Variants in TRIP12 observed in about 807,000 individuals in gnomAD.
TRIP12 encodes the protein thyroid hormone receptor interactor 12, also known as E3 ubiquitin-protein ligase TRIP12.
TRIP12 carries 25 observed loss-of-function variants against 244.2 expected under a neutral mutation model. The observed-to-expected ratio is 0.10, with a 90% CI of 0.07 to 0.14. TRIP12 has a LOEUF of 0.14. TRIP12 is among the 10% of genes least tolerant of loss of function. TRIP12 has a pLI of 1.00. For missense variants in TRIP12, 1,677 were observed against 2,486.4 expected (o/e 0.67, Z 6.92); for synonymous variants, 905 against 873.1 (o/e 1.04, Z -0.64).
intron 4 of TRIP12, among the ~76,000 whole-genome samples, chr2:229,841,820 T>G (rs1017871076): frequency 1.3e-5 from 2 of 152,230 alleles, no homozygotes; most frequent in Non-Finnish European, 2.9e-5. Context: ...TTAATTTTGC[T>G]GATTTCATTG....
Position 229,836,872 on chromosome 2 carries a change from C to T in TRIP12, c.1246G>A (p.Asp416Asn), listed in dbSNP as rs1203606558. The change falls in exon 6 of 42, where the codon GAT (aspartate) becomes AAT (asparagine). Residue 416 changes from aspartate to asparagine, a missense_variant. Physicochemically the swap from Asp to Asn is conservative, Grantham distance 23. Transcript: ENST00000675903. ...EAVNSSAART[D>N]EAPQGAAASS... ...CCTGCAGCTCCTTGGGGAGCTTCAT[C>T]TGTCCGAGCAGCTGAAGAATTTACT... 1 of 1,595,308 alleles carries T rather than the reference C, an allele frequency of 6.3e-7. No individual in the cohort carries two copies. Among genetic ancestry groups the T allele is most frequent in the Non-Finnish European group, 8.5e-7 (1 of 1,174,422 alleles).
intron 18 of TRIP12, among the ~76,000 whole-genome samples, chr2:229,804,510 T>G (rs1358754493): frequency 6.6e-6 from 1 of 152,198 alleles, no homozygotes; most frequent in Non-Finnish European, 1.5e-5. Flanking sequence ...ATTTTACTGA[T>G]ATACATTCAA....
chr2:229,839,288 C>T lies in TRIP12; in HGVS notation c.1133+1534G>A, dbSNP rs563156965. ...CCACACGGCCTAGATGTGTAGTAAG[C>T]TATACTATCTAGGTTTGTTTTAAGT... On this transcript the variant is annotated intron_variant, in intron 5 of 41. Coordinates refer to ENST00000675903, the MANE Select transcript of TRIP12 (RefSeq NM_001348323.3). Among the ~76,000 whole-genome samples, 4 of 152,284 alleles carry T rather than the reference C, an allele frequency of 2.6e-5. No homozygotes were observed. The South Asian group carries it at 8.3e-4, about 32-fold the overall frequency.
intron 1 of TRIP12, among the ~76,000 whole-genome samples, chr2:229,904,335 T>C (rs2072009558): frequency 1.3e-5 from 2 of 148,598 alleles, no homozygotes; most frequent in Admixed American, 1.4e-4. Context: ...GGAGAATCGC[T>C]TGAACCCAGG....
chr2:229,772,653 G>A (rs1234800416), intron 38 of TRIP12, among the ~76,000 whole-genome samples: 18 of 152,160 alleles, frequency 1.2e-4, no homozygotes, highest in Non-Finnish European at 2.2e-4. Flanking sequence ...TAGTAGAGAC[G>A]GGGTTTCACG....
chr2:229,897,539 AC>A (rs1285044284), intron 1 of TRIP12, among the ~76,000 whole-genome samples: 2 of 152,112 alleles, frequency 1.3e-5, no homozygotes, highest in African/African-American at 4.8e-5. Flanking sequence ...TCCCAGTTAC[AC>A]CGGAGGCTGA....
In TRIP12 at chr2:229,798,934, C is replaced by T. The variant is rs2043495481; in HGVS notation, c.3423G>A (p.Arg1141=). The T allele has an allele frequency of 6.2e-7, 1 of 1,614,068 alleles. No individual in the cohort carries two copies. Among genetic ancestry groups the T allele is most frequent in the African/African-American group, 1.3e-5 (1 of 74,908 alleles). The part of the protein sequence containing the change: ...QSNSNNIEPA[R]TAGGSGLARA... ...TGGCAAGGCCACTACCTCCCGCAGTCCGTGCTGGCTCAATGTTGTTGCTGT... is the reference window on the plus strand; with the variant it reads ...TGGCAAGGCCACTACCTCCCGCAGTTCGTGCTGGCTCAATGTTGTTGCTGT... Residue 1141 remains arginine, a synonymous_variant, in exon 23 of 42, where the codon CGG becomes CGA. Transcript: ENST00000675903.
At chr2:229,843,580 A>G (rs549193) in intron 4 of TRIP12, among the ~76,000 whole-genome samples, 71,349 of 151,946 alleles carry the variant, frequency 0.47, 17,693 homozygotes, top group East Asian at 0.68. Flanking sequence ...AAACCAAAAC[A>G]ACAAACAAAA....
chr2:229,899,094 C>A (rs1168814335), intron 1 of TRIP12, among the ~76,000 whole-genome samples: 1 of 152,048 alleles, frequency 6.6e-6, no homozygotes, highest in Non-Finnish European at 1.5e-5. Context: ...ACCAGTAAAG[C>A]AAGAAAAAGA....
chr2:229,905,274 CAA>C (rs371131914), intron 1 of TRIP12, among the ~76,000 whole-genome samples: 15 of 67,242 alleles, frequency 2.2e-4, no homozygotes, highest in Admixed American at 3.4e-4. Flanking sequence ...AACTCCGTCT[CAA>C]AAAAAAAAAA....
chr2:229,859,831 CA>C (rs1402986260), intron 3 of TRIP12, among the ~76,000 whole-genome samples: 7 of 152,154 alleles, frequency 4.6e-5, no homozygotes, highest in African/African-American at 1.4e-4. Context: ...CACTCGTAAT[CA>C]CAAAACAAGA....
chr2:229,847,409 C>T (rs1196171295), intron 4 of TRIP12, among the ~76,000 whole-genome samples: 1 of 152,178 alleles, frequency 6.6e-6, no homozygotes, highest in Admixed American at 6.5e-5. Context: ...ATATGCCTAG[C>T]GAAGTGTCTC....
chr2:229,770,635 T>C (rs2033903918), intron 39 of TRIP12, among the ~76,000 whole-genome samples: 4 of 152,200 alleles, frequency 2.6e-5, no homozygotes, highest in Non-Finnish European at 5.9e-5. Context: ...GCACTTGAAA[T>C]TAAAGACGGT....
At chr2:229,916,530 G>A (rs1171619512) in intron 1 of TRIP12, among the ~76,000 whole-genome samples, 11 of 111,624 alleles carry the variant, frequency 9.9e-5, no homozygotes, top group Admixed American at 9.7e-4. Context: ...ACTCCAGCCT[G>A]GGTGACAAAA....
intron 13 of TRIP12, 47 bp from the exon 14 acceptor site, chr2:229,811,251 T>C: frequency 1.9e-6 from 3 of 1,556,112 alleles, no homozygotes; most frequent in Non-Finnish European, 2.6e-6. Context: ...ATAAAGCATT[T>C]TCACTGTCAT....
chr2:229,833,052 A>G (rs2053866429), intron 6 of TRIP12, among the ~76,000 whole-genome samples: 1 of 152,176 alleles, frequency 6.6e-6, no homozygotes, highest in Admixed American at 6.5e-5. Context: ...TTTATCAGAG[A>G]ATCTACTTGA....
Position 229,791,261 on chromosome 2 carries a change from C to T in TRIP12, c.4416-10G>A. ...TCTCACAGGTTTATACCTAAAATGA[C>T]AAGACAGTATATAAACCAAATGTAG... is the stretch of plus-strand genomic sequence containing the variant. On this transcript the variant is annotated splice_polypyrimidine_tract_variant and intron_variant, in intron 29 of 41. Transcript: ENST00000675903. 1 of 1,613,790 alleles carries T rather than the reference C, an allele frequency of 6.2e-7. No individual in the cohort carries two copies. Among genetic ancestry groups the T allele is most frequent in the Admixed American group, 1.7e-5 (1 of 59,978 alleles).
chr2:229,782,664 C>A (rs1216833929), intron 34 of TRIP12, among the ~76,000 whole-genome samples: 3 of 152,102 alleles, frequency 2.0e-5, no homozygotes, highest in Non-Finnish European at 4.4e-5. Flanking sequence ...TTTTAAAAGT[C>A]ATCAAGAAGG....
intron 1 of TRIP12, among the ~76,000 whole-genome samples, chr2:229,900,182 T>G (rs181522848): frequency 6.6e-6 from 1 of 152,348 alleles, no homozygotes; most frequent in East Asian, 1.9e-4. Flanking sequence ...TTTGCTTTAG[T>G]TGAACTTCTA....
Sources: gnomAD v4.1 joint callset for allele counts (sites outside exome capture counted in the v4.1 genomes callset) on GRCh38, gnomAD v4.1.1 for gene constraint, MANE v1.5 for transcripts, NCBI Gene and HGNC (gene_info 2026-07-23, HGNC 2026-07-21) for gene names.